The following SLCO1B3 variants were observed in gnomAD, a reference collection of about 807,000 sequenced individuals.
SLCO1B3 encodes solute carrier organic anion transporter family member 1B3.
In SLCO1B3, 72 loss-of-function variants were observed where a neutral mutation model predicts 71.8. That is an observed-to-expected ratio of 1.00 (90% CI 0.83 to 1.22). The LOEUF is 1.22. Ranked by LOEUF, SLCO1B3 falls within the 50% of genes most tolerant of loss-of-function variation. The pLI is 0.00. For missense variants in SLCO1B3, 911 were observed against 819.7 expected (o/e 1.11, Z -1.36); for synonymous variants, 298 against 278.4 (o/e 1.07, Z -0.70).
chr12:20,818,720 C>G (rs901586041), intron 3 of SLCO1B3, among the ~76,000 whole-genome samples: 1 of 152,174 alleles, frequency 6.6e-6, no homozygotes, highest in Non-Finnish European at 1.5e-5. Flanking sequence ...GCATAGCCTG[C>G]CTTTGCTGGT....
chr12:20,836,294 A>G (rs1349739635), intron 3 of SLCO1B3, among the ~76,000 whole-genome samples: 1 of 152,228 alleles, frequency 6.6e-6, no homozygotes, highest in African/African-American at 2.4e-5. Flanking sequence ...GATAGATTAC[A>G]TGAATTGATT....
intron 9 of SLCO1B3, among the ~76,000 whole-genome samples, chr12:20,877,552 TAGA>T (rs1377057786): frequency 1.3e-5 from 2 of 152,106 alleles, no homozygotes; most frequent in Non-Finnish European, 2.9e-5. Flanking sequence ...TATGATTGTA[TAGA>T]AGTTCAGTTT....
At chr12:20,823,116 A>C (rs1045957571) in intron 3 of SLCO1B3, among the ~76,000 whole-genome samples, 2 of 152,206 alleles carry the variant, frequency 1.3e-5, no homozygotes, top group Non-Finnish European at 2.9e-5. Context: ...CAGTAGAAGG[A>C]ACAATCCTGG....
intron 3 of SLCO1B3, among the ~76,000 whole-genome samples, chr12:20,841,528 G>T (rs1864801764): frequency 7.1e-6 from 1 of 141,260 alleles, no homozygotes; most frequent in African/African-American, 2.5e-5. Context: ...GGCAGATATT[G>T]TCTGTACGAT....
chr12:20,852,167 G>T, intron 3 of SLCO1B3, among the ~76,000 whole-genome samples: 1 of 152,102 alleles, frequency 6.6e-6, no homozygotes, highest in East Asian at 1.9e-4. Flanking sequence ...TTTTATATTT[G>T]TTTTTTCTAT....
In SLCO1B3 at chr12:20,916,125, A is replaced by G; in HGVS notation, c.1987A>G (p.Arg663Gly). 3 of 1,613,630 alleles carry G rather than the reference A, an allele frequency of 1.9e-6. No individual in the cohort carries two copies. Among genetic ancestry groups the G allele is most frequent in the Non-Finnish European group, 2.5e-6 (3 of 1,179,704 alleles). ...AGATACCAAGGCATCGGACAATGAA[A>G]GAAAAGTAATGGATGAAGCAAACTT... Reference protein sequence around the residue: ...GKDTKASDNERKVMDEANLEF... With the variant: ...GKDTKASDNEGKVMDEANLEF... Residue 663 changes from arginine (R) to glycine (G), a missense_variant, in exon 16 of 16, where the codon AGA (arginine) becomes GGA (glycine). Coordinates refer to ENST00000381545, the MANE Select transcript of SLCO1B3 (RefSeq NM_019844.4).
intron 4 of SLCO1B3, among the ~76,000 whole-genome samples, chr12:20,858,188 AC>A (rs1865179088): frequency 6.6e-6 from 1 of 152,106 alleles, no homozygotes; most frequent in Non-Finnish European, 1.5e-5. Context: ...TCAAAAAAAA[AC>A]TTTGCTTCTC....
chr12:20,911,849 C>G (rs1029347897), intron 15 of SLCO1B3, among the ~76,000 whole-genome samples: 1 of 152,084 alleles, frequency 6.6e-6, no homozygotes, highest in African/African-American at 2.4e-5. Flanking sequence ...TGGCAAGGGA[C>G]TCCAATTTTA....
At chr12:20,906,804 A>G (rs754259339) in intron 15 of SLCO1B3, among the ~76,000 whole-genome samples, 10 of 152,188 alleles carry the variant, frequency 6.6e-5, no homozygotes, top group Non-Finnish European at 1.5e-4. Context: ...TAAAAGAATT[A>G]TAATTAAAAA....
At chr12:20,884,706 T>C (rs1338774641) in intron 13 of SLCO1B3, among the ~76,000 whole-genome samples, 1 of 151,990 alleles carries the variant, frequency 6.6e-6, no homozygotes, top group East Asian at 1.9e-4. Context: ...GGGTAACACC[T>C]AATTGTACTT....
chr12:20,868,268 A>G lies in SLCO1B3; in HGVS notation c.727+5414A>G, dbSNP rs552197964. Among the ~76,000 whole-genome samples, 70 of 152,298 alleles carry G rather than the reference A, an allele frequency of 4.6e-4. 1 individual carries two copies. In the South Asian group the frequency reaches 0.014, roughly 30 times the overall value. On this transcript the variant is annotated intron_variant, in intron 8 of 15. Coordinates refer to ENST00000381545, the MANE Select transcript of SLCO1B3 (RefSeq NM_019844.4). ...AGAAGGAACATACCTACCCAAATAT[A>G]TCTACAGATTCAAGTTAAGTTTTTG...
intron 3 of SLCO1B3, among the ~76,000 whole-genome samples, chr12:20,825,948 TAATAAG>T (rs1434390421): frequency 2.0e-5 from 3 of 151,990 alleles, no homozygotes; most frequent in Non-Finnish European, 2.9e-5. Context: ...AATAAAAACT[TAATAAG>T]AATAACGAAT....
chr12:20,856,989 C>T (rs368365369), intron 4 of SLCO1B3, among the ~76,000 whole-genome samples: 17 of 152,124 alleles, frequency 1.1e-4, no homozygotes, highest in African/African-American at 3.9e-4. Flanking sequence ...GAATTGAAAA[C>T]GTGGCATATT....
At chr12:20,869,445 T>C (rs1467682212) in intron 8 of SLCO1B3, among the ~76,000 whole-genome samples, 1 of 152,220 alleles carries the variant, frequency 6.6e-6, no homozygotes. Flanking sequence ...TACAAACTAA[T>C]GATTAATGAT....
At chr12:20,854,796 A>G (rs942481626) in intron 3 of SLCO1B3, among the ~76,000 whole-genome samples, 2 of 152,138 alleles carry the variant, frequency 1.3e-5, no homozygotes, top group African/African-American at 2.4e-5. Context: ...AACCTTAACT[A>G]TACTCCTCTA....
At chr12:20,823,998 A>G (rs1344047630) in intron 3 of SLCO1B3, among the ~76,000 whole-genome samples, 1 of 152,226 alleles carries the variant, frequency 6.6e-6, no homozygotes, top group East Asian at 1.9e-4. Flanking sequence ...GTGATAAAAG[A>G]AAATATATTC....
chr12:20,854,411 G>T (rs1330786788), intron 3 of SLCO1B3, among the ~76,000 whole-genome samples: 2 of 151,786 alleles, frequency 1.3e-5, no homozygotes, highest in Non-Finnish European at 2.9e-5. Context: ...ATAATTGTTG[G>T]CTCTTCCTGG....
chr12:20,865,899 C>T (rs1000731353), intron 8 of SLCO1B3, among the ~76,000 whole-genome samples: 2 of 152,040 alleles, frequency 1.3e-5, no homozygotes, highest in Admixed American at 1.3e-4. Context: ...GTGCCTACTT[C>T]ACTGCTGTAA....
At chr12:20,821,642 T>C (rs1864309870) in intron 3 of SLCO1B3, among the ~76,000 whole-genome samples, 1 of 151,764 alleles carries the variant, frequency 6.6e-6, no homozygotes, top group Non-Finnish European at 1.5e-5. Context: ...TGAGGGGTAC[T>C]TGCCCCTCCC....
Sources: allele counts gnomAD v4.1 joint callset (sites outside exome capture counted in the v4.1 genomes callset), GRCh38; gene constraint gnomAD v4.1.1; transcripts MANE v1.5; gene names NCBI Gene and HGNC (gene_info 2026-07-23, HGNC 2026-07-21).